MBTD1: variants seen among roughly 807,000 people sequenced by gnomAD.
MBTD1 encodes mbt domain containing 1, also known as MBT domain-containing protein 1.
Under a neutral mutation model 87.8 loss-of-function variants are expected in MBTD1, and 24 were observed. The observed-to-expected ratio is 0.27, with a 90% confidence interval of 0.20 to 0.38. The LOEUF (loss-of-function observed/expected upper bound fraction) is 0.38. Among genes scored for constraint, MBTD1 ranks in the 10% least tolerant of loss-of-function variants. MBTD1 has a pLI of 1.00. For missense variants in MBTD1, 436 were observed against 760.2 expected, an observed-to-expected ratio of 0.57 and a Z score of 5.02; for synonymous variants, 237 against 248.6, an observed-to-expected ratio of 0.95 and a Z score of 0.44.
At chr17:51,245,198 C>T (rs1391242763) in intron 2 of MBTD1, among the ~76,000 whole-genome samples, 13 of 152,172 alleles carry the variant, frequency 8.5e-5, no homozygotes, top group Non-Finnish European at 1.6e-4. Flanking sequence ...CTGTGCCCGG[C>T]CCTAGAGGAT....
intron 12 of MBTD1, among the ~76,000 whole-genome samples, chr17:51,196,000 C>T (rs1181295329): frequency 6.6e-6 from 1 of 151,866 alleles, no homozygotes; most frequent in Admixed American, 6.6e-5. Context: ...CTTGACCTCC[C>T]CGGCTCAAGC....
chr17:51,239,207 AG>A (rs1444561117), intron 2 of MBTD1, among the ~76,000 whole-genome samples: 1 of 152,190 alleles, frequency 6.6e-6, no homozygotes, highest in Non-Finnish European at 1.5e-5. Flanking sequence ...GAATAAAAAC[AG>A]TTTAGGGGAT....
At chr17:51,193,606 A>G in intron 13 of MBTD1, 96 bp from the exon 14 acceptor site, 7 of 724,640 alleles carry the variant, frequency 9.7e-6, no homozygotes, top group Non-Finnish European at 1.5e-5. Context: ...TCTTAAGAGC[A>G]TAGGTTATAT....
chr17:51,220,718 A>G (rs921338385), intron 3 of MBTD1, among the ~76,000 whole-genome samples: 1 of 152,196 alleles, frequency 6.6e-6, no homozygotes, highest in African/African-American at 2.4e-5. Context: ...CAAAGGGTCA[A>G]CAGAAACAGG....
intron 4 of MBTD1, among the ~76,000 whole-genome samples, chr17:51,219,425 G>A (rs1193446411): frequency 6.6e-6 from 1 of 152,202 alleles, no homozygotes; most frequent in Non-Finnish European, 1.5e-5. Context: ...GGTAAGAGAA[G>A]ATAATTTAAT....
At chr17:51,243,776 C>T (rs548205589) in intron 2 of MBTD1, among the ~76,000 whole-genome samples, 6 of 152,194 alleles carry the variant, frequency 3.9e-5, no homozygotes, top group Non-Finnish European at 7.3e-5. Context: ...ATCCTCCCAC[C>T]ACAGCCTCCT....
In MBTD1 at chr17:51,192,840, G is replaced by T; in HGVS notation, c.1632C>A (p.Leu544=). Residue 544 remains leucine (L), a synonymous_variant, in exon 15 of 17, where the codon CTC becomes CTA. Transcript: ENST00000586178. ...DQWVDCESPD[L]YPVGWCQLTG... Reference sequence around the variant, plus strand: ...TTAACTGACACCACCCTACAGGATAGAGGTCAGGTGACTCACAGTCTACCC... The same window carrying T: ...TTAACTGACACCACCCTACAGGATATAGGTCAGGTGACTCACAGTCTACCC... 6.2e-7 allele frequency: 1 copy of T among 1,614,166 alleles called. No homozygotes were observed. Among genetic ancestry groups the T allele is most frequent in the Middle Eastern group, 1.6e-4 (1 of 6,062 alleles).
At chr17:51,218,715 G>T (rs2052720414) in intron 5 of MBTD1, among the ~76,000 whole-genome samples, 1 of 151,994 alleles carries the variant, frequency 6.6e-6, no homozygotes, top group African/African-American at 2.4e-5. Context: ...AAACATTAAG[G>T]AGACTGCCAA....
intron 6 of MBTD1, among the ~76,000 whole-genome samples, chr17:51,214,518 T>C (rs2052455117): frequency 6.6e-6 from 1 of 152,144 alleles, no homozygotes; most frequent in Non-Finnish European, 1.5e-5. Context: ...CAGTAATATC[T>C]AAGTGCTGGA....
rs2051577045 is a variant in MBTD1, at chr17:51,202,947, AC to A, written c.829-13del. On this transcript the variant is annotated splice_polypyrimidine_tract_variant and intron_variant, in intron 9 of 16. Coordinates refer to ENST00000586178, the MANE Select transcript of MBTD1 (RefSeq NM_017643.3). ...ATACTCTCTGAAACCTTAAAAGCAT[AC>A]AAAAAAAACTGCTCGAAATTCATGA... 3 of 1,591,042 alleles carry A rather than the reference AC, an allele frequency of 1.9e-6. No individual in the cohort carries two copies. Among genetic ancestry groups the A allele is most frequent in the Non-Finnish European group, 2.6e-6 (3 of 1,160,132 alleles).
chr17:51,245,134 T>C (rs2054359018), intron 2 of MBTD1, among the ~76,000 whole-genome samples: 3 of 151,714 alleles, frequency 2.0e-5, no homozygotes, highest in Admixed American at 6.6e-5. Context: ...TCTCCTGACC[T>C]CGTGATCTGC....
rs1356409146 is a variant in MBTD1, at chr17:51,259,960, G to GC, written c.-239dup. The GC allele has an allele frequency of 2.0e-5, 22 of 1,084,652 alleles. No homozygotes were observed. The East Asian group carries it at 5.8e-4, about 29-fold the overall frequency. 67.2% of individuals were successfully genotyped at this position (1,084,652 alleles called of 1,614,324 possible). A position where few individuals can be genotyped will look rare whatever the true frequency, so the allele number is the denominator to read the frequency against. ...CCCGGGACTGCGGCGACTACAGGGG[G>GC]CCCCCGGCTGGGCCCAGACCGGTGG... On this transcript the variant is annotated 5_prime_UTR_variant, in exon 1 of 17. Transcript: ENST00000586178.
chr17:51,185,143 A>C (rs2050478289), intron 16 of MBTD1: 1 of 152,262 alleles, frequency 6.6e-6, no homozygotes, highest in Non-Finnish European at 1.5e-5. Context: ...AAGAATGAGA[A>C]GAAAACAGAG....
At position 51,204,822 on chromosome 17, in the gene MBTD1, T is replaced by C. The variant is rs190358234; in HGVS notation, c.605-897A>G. ...GGCCTTGAAATGTATTTCAAAGAAA[T>C]TGCTTTATCCAGCTGCTTAGGTGGC... On this transcript the variant is annotated intron_variant, in intron 7 of 16. Transcript: ENST00000586178. Among the ~76,000 whole-genome samples, 109 of 152,322 alleles carry C rather than the reference T, an allele frequency of 7.2e-4. 1 individual carries two copies. In the East Asian group the frequency reaches 0.017, roughly 23 times the overall value.
intron 12 of MBTD1, among the ~76,000 whole-genome samples, chr17:51,199,445 A>T (rs1378093918): frequency 6.6e-6 from 1 of 151,114 alleles, no homozygotes; most frequent in Admixed American, 6.6e-5. Context: ...TCACTGTTTT[A>T]AAAAAATTTT....
At chr17:51,212,269 A>G (rs376494121) in intron 6 of MBTD1, among the ~76,000 whole-genome samples, 7 of 151,982 alleles carry the variant, frequency 4.6e-5, no homozygotes, top group African/African-American at 1.7e-4. Context: ...GAGGCAAGAG[A>G]ATTGATTGAA....
intron 5 of MBTD1, among the ~76,000 whole-genome samples, chr17:51,218,685 G>A (rs1027030980): frequency 2.6e-5 from 4 of 151,990 alleles, no homozygotes; most frequent in African/African-American, 9.7e-5. Flanking sequence ...TACATGAAAA[G>A]TAAATAATAA....
At chr17:51,204,652 G>A (rs1347730960) in intron 7 of MBTD1, among the ~76,000 whole-genome samples, 4 of 151,088 alleles carry the variant, frequency 2.6e-5, no homozygotes, top group South Asian at 2.1e-4. Context: ...ACAGGCGTGC[G>A]CCACCATGCC....
chr17:51,198,149 A>G (rs1205208069), intron 12 of MBTD1, among the ~76,000 whole-genome samples: 1 of 149,794 alleles, frequency 6.7e-6, no homozygotes, highest in Non-Finnish European at 1.5e-5. Flanking sequence ...GAGGTTATCA[A>G]TCACCATATT....
Sources: allele counts gnomAD v4.1 joint callset (sites outside exome capture counted in the v4.1 genomes callset), GRCh38; gene constraint gnomAD v4.1.1; transcripts MANE v1.5; gene names NCBI Gene and HGNC (gene_info 2026-07-23, HGNC 2026-07-21).